Variants in SNTG2 observed in about 807,000 individuals in gnomAD.
SNTG2 encodes the protein gamma-2-syntrophin.
Under a neutral mutation model 70.9 loss-of-function variants are expected in SNTG2, and 74 were observed. That is an observed-to-expected ratio of 1.04 (90% CI 0.86 to 1.27). The LOEUF is 1.27. Among genes scored for constraint, SNTG2 ranks in the 50% most tolerant of loss-of-function variants. The probability of loss-of-function intolerance (pLI) is 0.00; values close to 1 mark genes in which losing one functional copy is unlikely to be tolerated. For synonymous variants in SNTG2, 278 were observed against 273.8 expected, an observed-to-expected ratio of 1.02 and a Z score of -0.15; for missense variants, 717 against 690.7, an observed-to-expected ratio of 1.04 and a Z score of -0.43.
chr2:959,896 A>G (rs1660294632), intron 1 of SNTG2, among the ~76,000 whole-genome samples: 2 of 151,934 alleles, frequency 1.3e-5, no homozygotes, highest in Non-Finnish European at 2.9e-5. Flanking sequence ...CAAGGAAGGA[A>G]AGTTCCTGTG....
At chr2:1,305,344 G>T (rs775451488) in intron 14 of SNTG2, among the ~76,000 whole-genome samples, 8 of 152,196 alleles carry the variant, frequency 5.3e-5, no homozygotes, top group Non-Finnish European at 1.0e-4. Context: ...ATCAAAATTT[G>T]CTGGGCAGTC....
intron 9 of SNTG2, among the ~76,000 whole-genome samples, chr2:1,229,516 C>A (rs1055687535): frequency 2.0e-5 from 3 of 152,268 alleles, no homozygotes; most frequent in Admixed American, 1.3e-4. Context: ...CCACCAGACT[C>A]AGGAGCCCAG....
At chr2:989,353 G>GTAAA (rs35329399) in intron 1 of SNTG2, among the ~76,000 whole-genome samples, 68,934 of 151,628 alleles carry the variant, frequency 0.45, 16,139 homozygotes, top group Middle Eastern at 0.6. Flanking sequence ...GTCACACTCA[G>GTAAA]TAGATTGTCA....
intron 16 of SNTG2, among the ~76,000 whole-genome samples, chr2:1,348,523 A>G (rs1207411564): frequency 6.6e-6 from 1 of 152,248 alleles, no homozygotes; most frequent in East Asian, 1.9e-4. Flanking sequence ...AGGTCTTTAT[A>G]TACACTCAAC....
intron 16 of SNTG2, among the ~76,000 whole-genome samples, chr2:1,324,789 G>A (rs909470435): frequency 6.6e-6 from 1 of 152,168 alleles, no homozygotes; most frequent in Non-Finnish European, 1.5e-5. Context: ...TGGCCACATG[G>A]GTTCCTTCTA....
At chr2:1,332,410 C>T (rs1204151271) in intron 16 of SNTG2, among the ~76,000 whole-genome samples, 2 of 152,114 alleles carry the variant, frequency 1.3e-5, no homozygotes, top group African/African-American at 2.4e-5. Flanking sequence ...AGACGGAATC[C>T]TCCCTAAACC....
chr2:1,317,759 C>T lies in SNTG2; in HGVS notation c.1488+1384C>T, dbSNP rs74896133. ...GGATTCTGGAGCATTGAGCATCAGGCCAGCATTGGAGAAGGTTGGGATTCT... is the reference window on the plus strand; with the variant it reads ...GGATTCTGGAGCATTGAGCATCAGGTCAGCATTGGAGAAGGTTGGGATTCT... On this transcript the variant is annotated intron_variant, in intron 16 of 16. Coordinates refer to ENST00000308624, the MANE Select transcript of SNTG2 (RefSeq NM_018968.4). Among the ~76,000 whole-genome samples, 37 of 35,188 alleles carry T rather than the reference C, an allele frequency of 1.1e-3. 2 individuals are homozygous for T. The highest frequency in any genetic ancestry group is 2.4e-3 in the African/African-American group (28 of 11,434). The allele number at this position is 35,188 out of a possible 152,430, so 23.1% of individuals were successfully genotyped here.
intron 1 of SNTG2, among the ~76,000 whole-genome samples, chr2:1,003,939 A>G (rs1659486703): frequency 6.6e-6 from 1 of 152,196 alleles, no homozygotes; most frequent in Non-Finnish European, 1.5e-5. Context: ...TGTGTACTGT[A>G]TTCTGGGGCT....
chr2:1,112,967 T>A (rs55697031), intron 4 of SNTG2, among the ~76,000 whole-genome samples: 1 of 128,604 alleles, frequency 7.8e-6, no homozygotes, highest in Non-Finnish European at 1.6e-5. Flanking sequence ...TGAGGAGGAT[T>A]TTGTGTACTA....
At chr2:1,255,712 A>G in intron 12 of SNTG2, among the ~76,000 whole-genome samples, 1 of 151,204 alleles carries the variant, frequency 6.6e-6, no homozygotes, top group East Asian at 1.9e-4. Context: ...CCAGGCTTTC[A>G]GTATTGTCAC....
intron 9 of SNTG2, among the ~76,000 whole-genome samples, chr2:1,219,057 G>A (rs1327163929): frequency 6.6e-6 from 1 of 152,146 alleles, no homozygotes; most frequent in African/African-American, 2.4e-5. Flanking sequence ...GGAGGTGACT[G>A]GATCACGGGG....
chr2:1,134,924 C>T (rs1037621496), intron 4 of SNTG2, among the ~76,000 whole-genome samples: 1 of 152,204 alleles, frequency 6.6e-6, no homozygotes, highest in Non-Finnish European at 1.5e-5. Flanking sequence ...TGGGCCAGAA[C>T]TGCTGGGGGA....
chr2:1,222,466 T>G (rs587630246), intron 9 of SNTG2, among the ~76,000 whole-genome samples: 126 of 142,708 alleles, frequency 8.8e-4, no homozygotes, highest in South Asian at 5.2e-3. Context: ...AAGCTGGAGG[T>G]GCTGGATCGC....
intron 13 of SNTG2, among the ~76,000 whole-genome samples, chr2:1,263,522 A>G (rs1261123836): frequency 1.3e-5 from 2 of 152,054 alleles, no homozygotes; most frequent in Non-Finnish European, 2.9e-5. Context: ...AGGAAAGGGA[A>G]CATAATAAGA....
chr2:1,093,251 C>T (rs934692889), intron 2 of SNTG2, among the ~76,000 whole-genome samples: 8 of 152,100 alleles, frequency 5.3e-5, no homozygotes, highest in Non-Finnish European at 1.0e-4. Context: ...ATTGAGGCAG[C>T]GGACTGTTTT....
chr2:1,244,131 G>C (rs78404812), intron 11 of SNTG2, among the ~76,000 whole-genome samples: 4,222 of 125,070 alleles, frequency 0.034, 182 homozygotes, highest in African/African-American at 0.11. Context: ...TCTCTACCCC[G>C]TATGAATCTA....
chr2:1,132,667 G>A lies in SNTG2; in HGVS notation c.326-4955G>A, dbSNP rs1039653803. 2.6e-5 allele frequency among the ~76,000 whole-genome samples: 4 copies of A among 152,186 alleles called. No homozygotes were observed. In the East Asian group the frequency reaches 7.7e-4, roughly 29 times the overall value. ...GAGTTGCGGGGTTGGCTGCAGGTCCGCCGCTGTTAGGCGGGTTAGCCATCC... is the reference window on the plus strand; with the variant it reads ...GAGTTGCGGGGTTGGCTGCAGGTCCACCGCTGTTAGGCGGGTTAGCCATCC... On this transcript the variant is annotated intron_variant, in intron 4 of 16. Transcript: ENST00000308624.
At chr2:965,166 T>G (rs1660497233) in intron 1 of SNTG2, among the ~76,000 whole-genome samples, 1 of 112,986 alleles carries the variant, frequency 8.9e-6, no homozygotes, top group South Asian at 4.4e-4. Context: ...TCCTCCTCCT[T>G]GGACCCCAAT....
At chr2:1,342,517 C>CA (rs1660172135) in intron 16 of SNTG2, among the ~76,000 whole-genome samples, 1 of 38,130 alleles carries the variant, frequency 2.6e-5, no homozygotes, top group Non-Finnish European at 5.2e-5. Context: ...TGTAGGACAG[C>CA]GGCAGCTTCC....
Sources: gnomAD v4.1 joint callset for allele counts (sites outside exome capture counted in the v4.1 genomes callset) on GRCh38, gnomAD v4.1.1 for gene constraint, MANE v1.5 for transcripts, NCBI Gene and HGNC (gene_info 2026-07-23, HGNC 2026-07-21) for gene names.